The following SYCP2L variants were observed in gnomAD, a reference collection of about 807,000 sequenced individuals.
SYCP2L encodes the protein synaptonemal complex protein 2 like.
Under a neutral mutation model 125.8 loss-of-function variants are expected in SYCP2L, and 98 were observed. The ratio of observed to expected loss-of-function variants is 0.78; its 90% CI spans 0.66 to 0.92. The LOEUF (loss-of-function observed/expected upper bound fraction) is 0.92, where lower values mean the gene tolerates loss of function less well. Among genes scored for constraint, SYCP2L ranks in the 40% least tolerant of loss-of-function variants. The pLI is 0.00. For synonymous variants in SYCP2L, 317 were observed against 325.4 expected (o/e 0.97, Z 0.28); for missense variants, 842 against 936.4 (o/e 0.90, Z 1.32).
At chr6:10,927,421 C>T (rs1022733916) in intron 17 of SYCP2L, 54 bp downstream of exon 17, 64 of 1,461,722 alleles carry the variant, frequency 4.4e-5, no homozygotes, top group Middle Eastern at 2.4e-4. Context: ...AATAAAGGGA[C>T]GGACTACAAA....
rs769102269 is a variant in SYCP2L, at chr6:10,930,523, G to T, written c.1633+9G>T. On this transcript the variant is annotated intron_variant, in intron 19 of 29. Transcript: ENST00000283141. Reference sequence around the variant, plus strand: ...CAGAAGTAATTTGAGAAGTAAGTCTGGCATGTCTTCTTTTGAATCACTTTT... The same window carrying T: ...CAGAAGTAATTTGAGAAGTAAGTCTTGCATGTCTTCTTTTGAATCACTTTT... 3.1e-6 allele frequency: 5 copies of T among 1,606,208 alleles called. No homozygotes were observed. The highest frequency in any genetic ancestry group is 4.2e-6 in the Non-Finnish European group (5 of 1,176,912).
intron 1 of SYCP2L, among the ~76,000 whole-genome samples, chr6:10,889,631 T>C (rs903502841): frequency 3.3e-5 from 5 of 149,872 alleles, no homozygotes; most frequent in African/African-American, 1.2e-4. Context: ...TTTTTTTTTT[T>C]TTTTTTGAGA....
rs1411465733 is a variant in SYCP2L at position 10,961,484 on chromosome 6, T to C, written c.2356-16T>C. Reference sequence around the variant, plus strand: ...ATAACGCTAGCTACTTAAACAAAACTTTTGTTCAATCTTAGGAATTCTGGG... The same window carrying C: ...ATAACGCTAGCTACTTAAACAAAACCTTTGTTCAATCTTAGGAATTCTGGG... On this transcript the variant is annotated splice_polypyrimidine_tract_variant and intron_variant, in intron 27 of 29. Transcript: ENST00000283141. 8 of 1,614,132 alleles carry C rather than the reference T, an allele frequency of 5.0e-6. No homozygotes were observed. The highest frequency in any genetic ancestry group is 6.8e-6 in the Non-Finnish European group (8 of 1,179,992).
chr6:10,927,874 C>T (rs1305284182), intron 17 of SYCP2L, among the ~76,000 whole-genome samples: 2 of 152,060 alleles, frequency 1.3e-5, no homozygotes, highest in Admixed American at 6.6e-5. Context: ...TTTTAGAGGC[C>T]CACCCTCAGG....
intron 26 of SYCP2L, 47 bp downstream of exon 26, chr6:10,958,922 C>A (rs1046839264): frequency 6.5e-6 from 10 of 1,539,340 alleles, no homozygotes; most frequent in Non-Finnish European, 9.0e-6. Flanking sequence ...TGATCACTCA[C>A]CAACAGCGTT....
rs941288894 is a variant in SYCP2L at position 10,936,748 on chromosome 6, A to G, written c.1813+1561A>G. ...ATATAAACTGAAAGTGAAGGGTCGGAAAAAGATATTCCATGCAAATGGCAA... is the reference window on the plus strand; with the variant it reads ...ATATAAACTGAAAGTGAAGGGTCGGGAAAAGATATTCCATGCAAATGGCAA... On this transcript the variant is annotated intron_variant, in intron 21 of 29. Coordinates refer to ENST00000283141, the MANE Select transcript of SYCP2L (RefSeq NM_001040274.3). 2.6e-5 allele frequency among the ~76,000 whole-genome samples: 4 copies of G among 152,332 alleles called. No homozygotes were observed. In the South Asian group the frequency reaches 6.2e-4, roughly 24 times the overall value.
At chr6:10,896,248 G>T (rs538558637) in intron 4 of SYCP2L, among the ~76,000 whole-genome samples, 48 of 152,318 alleles carry the variant, frequency 3.2e-4, no homozygotes, top group African/African-American at 1.1e-3. Flanking sequence ...AAGAAGTCAT[G>T]GCTGTTGTGT....
In SYCP2L at chr6:10,894,196, A is replaced by T; in HGVS notation, c.328A>T (p.Ile110Phe). 1.2e-6 allele frequency: 2 copies of T among 1,612,674 alleles called. No individual in the cohort carries two copies. Among genetic ancestry groups the T allele is most frequent in the East Asian group, 2.2e-5 (1 of 44,848 alleles). Residue 110 changes from isoleucine (I) to phenylalanine (F), a missense_variant, in exon 4 of 30, where the codon ATC becomes TTC. Coordinates refer to ENST00000283141, the MANE Select transcript of SYCP2L (RefSeq NM_001040274.3). ...ACCTCTGCTAATTCGGCAGGGACTG[A>T]TCCCAAAGATAAGTGTCCTATTTTA... is the stretch of plus-strand genomic sequence containing the variant. Reference protein sequence around the residue: ...DEPLLIRQGLIPKLVSWFERT... With the variant: ...DEPLLIRQGLFPKLVSWFERT...
intron 14 of SYCP2L, among the ~76,000 whole-genome samples, chr6:10,915,277 T>G (rs1447616749): frequency 6.6e-6 from 1 of 152,326 alleles, no homozygotes; most frequent in East Asian, 1.9e-4. Context: ...CAGAGACAGT[T>G]TGACTTCCTC....
intron 4 of SYCP2L, among the ~76,000 whole-genome samples, chr6:10,897,028 C>T (rs142392378): frequency 1.2e-4 from 17 of 144,684 alleles, no homozygotes; most frequent in South Asian, 2.2e-4. Context: ...ACTATGCATG[C>T]GGAGTTTTTC....
chr6:10,887,188 G>C (rs1222620956), intron 1 of SYCP2L, 53 bp downstream of exon 1: 9 of 1,610,420 alleles, frequency 5.6e-6, no homozygotes, highest in Non-Finnish European at 7.6e-6. Flanking sequence ...TAGGGCGCGC[G>C]AGGGCGCGGG....
chr6:10,890,735 T>C (rs759716071), intron 1 of SYCP2L, among the ~76,000 whole-genome samples: 1 of 152,234 alleles, frequency 6.6e-6, no homozygotes, highest in Non-Finnish European at 1.5e-5. Context: ...CCTGTGATTT[T>C]GAGGTTTTCT....
At chr6:10,891,613 C>CTGTG (rs3066124) in intron 2 of SYCP2L, 32 bp downstream of exon 2, 132 of 119,454 alleles carry the variant, frequency 1.1e-3, no homozygotes, top group African/African-American at 4.2e-3. Context: ...TAATCTCTCT[C>CTGTG]TGTGTGTGTG....
At position 10,943,956 on chromosome 6, in the gene SYCP2L, T is replaced by G. The variant is rs189947506; in HGVS notation, c.1954+1210T>G. On this transcript the variant is annotated intron_variant, in intron 23 of 29. Coordinates refer to ENST00000283141, the MANE Select transcript of SYCP2L (RefSeq NM_001040274.3). ...TATTTAAAAATCCATTCCAGTGCTG[T>G]GGGATATTTGGATTTTTGCAATTTG... 3.1e-3 allele frequency among the ~76,000 whole-genome samples: 473 copies of G among 152,272 alleles called. 1 individual carries two copies. The highest frequency in any genetic ancestry group is 5.0e-3 in the Non-Finnish European group (339 of 67,994).
chr6:10,892,939 A>AT (rs1780198811), intron 2 of SYCP2L, among the ~76,000 whole-genome samples: 1 of 103,580 alleles, frequency 9.7e-6, no homozygotes, highest in African/African-American at 3.7e-5. Context: ...AACCTGTAAG[A>AT]TTTTTTTAAA....
At position 10,912,190 on chromosome 6, in the gene SYCP2L, C is replaced by A. The variant is rs949154647; in HGVS notation, c.919-483C>A. ...GAATCTTTCTTCCCCTGTTTTAACT[C>A]TAAGCATCTATTTATTTTAGAATAA... is the stretch of plus-strand genomic sequence containing the variant. On this transcript the variant is annotated intron_variant, in intron 12 of 29. Coordinates refer to ENST00000283141, the MANE Select transcript of SYCP2L (RefSeq NM_001040274.3). This position sits in a 1 kb window ranked among gnomAD's most constrained non-coding sequence, Gnocchi z 4.1. Among the ~76,000 whole-genome samples, 1 of 151,978 alleles carries A rather than the reference C, an allele frequency of 6.6e-6. No homozygotes were observed. The highest frequency in any genetic ancestry group is 2.4e-5 in the African/African-American group (1 of 41,382).
intron 29 of SYCP2L, among the ~76,000 whole-genome samples, chr6:10,968,565 C>G (rs189658175): frequency 3.3e-5 from 5 of 152,150 alleles, no homozygotes; most frequent in South Asian, 2.1e-4. Flanking sequence ...GAGGTGGTAC[C>G]TTCAGAAACC....
intron 25 of SYCP2L, among the ~76,000 whole-genome samples, chr6:10,958,135 A>G (rs1349804966): frequency 6.6e-6 from 1 of 150,568 alleles, no homozygotes; most frequent in Non-Finnish European, 1.5e-5. Context: ...TATTCATAGT[A>G]TTCATTGTGT....
At chr6:10,888,136 G>T (rs1021224038) in intron 1 of SYCP2L, among the ~76,000 whole-genome samples, 1 of 128,720 alleles carries the variant, frequency 7.8e-6, no homozygotes, top group African/African-American at 3.0e-5. Flanking sequence ...TCATTCTGTC[G>T]CCCAGGCTGG....
Sources: gnomAD v4.1 joint callset for allele counts (sites outside exome capture counted in the v4.1 genomes callset) on GRCh38, gnomAD v4.1.1 for gene constraint, Gnocchi (gnomAD v3.1) non-coding constraint, MANE v1.5 for transcripts, NCBI Gene and HGNC (gene_info 2026-07-23, HGNC 2026-07-21) for gene names.